Variants in NCAM2 observed in about 807,000 individuals in gnomAD.
NCAM2 encodes the protein N-CAM-2.
A neutral mutation model predicts 98.1 loss-of-function variants in NCAM2; 30 were observed. The ratio of observed to expected loss-of-function variants is 0.31; its 90% CI spans 0.23 to 0.41. The LOEUF is 0.41. Ranked by LOEUF, NCAM2 falls within the 10% of genes least tolerant of loss-of-function variation. The pLI is 1.00. For missense variants in NCAM2, 867 were observed against 1,005.8 expected (o/e 0.86, Z 1.87); for synonymous variants, 368 against 342.4 (o/e 1.07, Z -0.83).
At chr21:21,527,031 A>T (rs1989363311) in intron 16 of NCAM2, among the ~76,000 whole-genome samples, 1 of 152,186 alleles carries the variant, frequency 6.6e-6, no homozygotes, top group African/African-American at 2.4e-5. Flanking sequence ...CTAGAATAAA[A>T]CATGGCAGAT....
In NCAM2 at chr21:20,998,520, G is replaced by A; in HGVS notation, c.-44G>A. The A allele has an allele frequency of 1.2e-6, 2 of 1,600,194 alleles. No homozygotes were observed. Among genetic ancestry groups the A allele is most frequent in the African/African-American group, 1.3e-5 (1 of 74,682 alleles). On this transcript the variant is annotated 5_prime_UTR_variant, in exon 1 of 18. Coordinates refer to ENST00000400546, the MANE Select transcript of NCAM2 (RefSeq NM_004540.5). ...GCGAAAGGTTCTCTCTCCAGGGCTG[G>A]ACTTAATAACTTTGAAACTGTCCAC... is the stretch of plus-strand genomic sequence containing the variant.
rs532549347 is a variant in NCAM2 at position 21,532,386 on chromosome 21, A to T, written c.2283-2151A>T. Among the ~76,000 whole-genome samples, 281 of 152,208 alleles carry T rather than the reference A, an allele frequency of 1.8e-3. 3 individuals are homozygous for T. Among genetic ancestry groups the T allele is most frequent in the African/African-American group, 6.4e-3 (267 of 41,552 alleles). ...TCTGTGTAGAATGTCTCTGGAAAAA[A>T]ATTAATGTAATAAAAATTAAAATTA... On this transcript the variant is annotated intron_variant, in intron 16 of 17. Coordinates refer to ENST00000400546, the MANE Select transcript of NCAM2 (RefSeq NM_004540.5).
intron 12 of NCAM2, among the ~76,000 whole-genome samples, chr21:21,461,080 T>C (rs2826850): frequency 0.49 from 74,950 of 151,630 alleles, 19,323 homozygotes; most frequent in East Asian, 0.96. Context: ...TTTATAAAAA[T>C]CTACGCATTT....
chr21:21,291,440 G>A (rs913559575), intron 4 of NCAM2, among the ~76,000 whole-genome samples: 6 of 151,616 alleles, frequency 4.0e-5, no homozygotes, highest in African/African-American at 1.5e-4. Flanking sequence ...ATCAGTGAAT[G>A]CAGGCTGTAT....
intron 12 of NCAM2, among the ~76,000 whole-genome samples, chr21:21,464,379 T>C (rs928593649): frequency 2.6e-5 from 4 of 152,156 alleles, no homozygotes; most frequent in Admixed American, 2.0e-4. Context: ...TGACTAGATA[T>C]AGCATGGGGC....
At chr21:21,385,184 G>T (rs1964251705) in intron 9 of NCAM2, among the ~76,000 whole-genome samples, 1 of 151,822 alleles carries the variant, frequency 6.6e-6, no homozygotes, top group African/African-American at 2.4e-5. Flanking sequence ...TTTGTTATTA[G>T]ATATTTTATT....
chr21:21,227,727 G>T (rs2070445682), intron 1 of NCAM2, among the ~76,000 whole-genome samples: 1 of 151,736 alleles, frequency 6.6e-6, no homozygotes, highest in Admixed American at 6.6e-5. Flanking sequence ...AAATTGTGGA[G>T]AAATCATTCA....
intron 1 of NCAM2, among the ~76,000 whole-genome samples, chr21:21,035,353 A>G (rs1960182670): frequency 6.6e-6 from 1 of 152,168 alleles, no homozygotes; most frequent in Non-Finnish European, 1.5e-5. Flanking sequence ...ATACTCATGG[A>G]TAGTTATTGA....
At chr21:21,376,348 A>G (rs545134443) in intron 9 of NCAM2, among the ~76,000 whole-genome samples, 9 of 151,904 alleles carry the variant, frequency 5.9e-5, no homozygotes, top group African/African-American at 1.9e-4. Context: ...AAACCATACT[A>G]GGTCCACCTT....
At chr21:21,296,652 G>A (rs1348436073) in intron 5 of NCAM2, among the ~76,000 whole-genome samples, 5 of 151,660 alleles carry the variant, frequency 3.3e-5, no homozygotes, top group African/African-American at 1.2e-4. Context: ...GTTGACACAA[G>A]GATATTGGCA....
chr21:21,143,665 C>T (rs879425949), intron 1 of NCAM2, among the ~76,000 whole-genome samples: 1 of 151,602 alleles, frequency 6.6e-6, no homozygotes, highest in Admixed American at 6.6e-5. Flanking sequence ...TATTTTTTTC[C>T]CTCACTGTTC....
intron 16 of NCAM2, among the ~76,000 whole-genome samples, chr21:21,522,516 C>T (rs1989078100): frequency 6.6e-6 from 1 of 151,302 alleles, no homozygotes; most frequent in African/African-American, 2.4e-5. Context: ...TTATCCTTCA[C>T]ATGTGCAGCA....
intron 1 of NCAM2, among the ~76,000 whole-genome samples, chr21:21,237,043 GT>G (rs1316285497): frequency 2.0e-5 from 3 of 152,010 alleles, no homozygotes; most frequent in Non-Finnish European, 4.4e-5. Flanking sequence ...CCTTATTTAT[GT>G]TTTTATCCCT....
intron 1 of NCAM2, among the ~76,000 whole-genome samples, chr21:21,107,743 G>A (rs572445709): frequency 6.6e-6 from 1 of 152,182 alleles, no homozygotes; most frequent in East Asian, 1.9e-4. Flanking sequence ...AGAGCAACTG[G>A]TAATCAAATG....
chr21:21,491,660 A>G (rs539612368), intron 15 of NCAM2, among the ~76,000 whole-genome samples: 5 of 151,812 alleles, frequency 3.3e-5, no homozygotes, highest in African/African-American at 9.6e-5. Context: ...AATGATGCCA[A>G]AATTCAAAAG....
chr21:21,286,637 C>T (rs1032067146), intron 4 of NCAM2, among the ~76,000 whole-genome samples: 2 of 151,730 alleles, frequency 1.3e-5, no homozygotes, highest in Non-Finnish European at 2.9e-5. Context: ...CAGTTATGCC[C>T]GTTCACCACA....
chr21:21,408,967 T>A (rs1206235337), intron 9 of NCAM2, among the ~76,000 whole-genome samples: 5 of 118,992 alleles, frequency 4.2e-5, no homozygotes, highest in South Asian at 2.4e-4. Context: ...AAACTGGATA[T>A]TGCTTTTTTA....
chr21:21,348,492 AG>A (rs1278790121), intron 8 of NCAM2, among the ~76,000 whole-genome samples: 1 of 152,134 alleles, frequency 6.6e-6, no homozygotes, highest in African/African-American at 2.4e-5. Context: ...ATGGATTGGA[AG>A]AATCAATATT....
At chr21:21,237,707 T>C (rs1316476283) in intron 1 of NCAM2, among the ~76,000 whole-genome samples, 1 of 152,084 alleles carries the variant, frequency 6.6e-6, no homozygotes, top group Non-Finnish European at 1.5e-5. Context: ...TAAAGGTAAA[T>C]TCATTTTCCC....
Sources: allele counts gnomAD v4.1 joint callset (sites outside exome capture counted in the v4.1 genomes callset), GRCh38; gene constraint gnomAD v4.1.1; transcripts MANE v1.5; gene names NCBI Gene and HGNC (gene_info 2026-07-23, HGNC 2026-07-21).